Variants in F8 observed in about 807,000 individuals in gnomAD.
F8 encodes antihemophilic factor.
A neutral mutation model predicts 140.6 loss-of-function variants in F8; 12 were observed. The ratio of observed to expected loss-of-function variants is 0.09; its 90% confidence interval spans 0.05 to 0.14. The LOEUF (loss-of-function observed/expected upper bound fraction) is 0.14. Among genes scored for constraint, F8 ranks in the 10% least tolerant of loss-of-function variants. The probability of loss-of-function intolerance (pLI) is 1.00; values close to 1 mark genes in which losing one functional copy is unlikely to be tolerated. For missense variants in F8, 1,354 were observed against 1,720.7 expected, an observed-to-expected ratio of 0.79 and a Z score of 3.77; for synonymous variants, 585 against 614.6, an observed-to-expected ratio of 0.95 and a Z score of 0.71.
chrX:154,992,988 C>A lies in F8; in HGVS notation c.549G>T (p.Leu183=), dbSNP rs1389954594. ...LTYSYLSHVD[L]VKDLNSGLIG... is the part of the protein sequence containing the mutation. Reference sequence around the variant, plus strand: ...TGAGGCCTGAATTCAAGTCTTTTACCAGGTCCACATGAGAAAGATATGAGT... The same window carrying A: ...TGAGGCCTGAATTCAAGTCTTTTACAAGGTCCACATGAGAAAGATATGAGT... Residue 183 remains leucine, a synonymous_variant, in exon 4 of 26, where the codon CTG becomes CTT. Transcript: ENST00000360256. 2.5e-6 allele frequency: 3 copies of A among 1,210,007 alleles called. No homozygotes were observed. The highest frequency in any genetic ancestry group is 3.4e-6 in the Non-Finnish European group (3 of 895,227).
chrX:154,839,252 G>A (rs953309718), intron 25 of F8, among the ~76,000 whole-genome samples: 18 of 109,858 alleles, frequency 1.6e-4, no homozygotes, highest in Non-Finnish European at 2.8e-4. Context: ...CTTAAACTAA[G>A]CATAGTGGCA....
intron 25 of F8, among the ~76,000 whole-genome samples, chrX:154,856,553 CTGCATAAGTGGAAAAG>C (rs2072652672): frequency 1.2e-4 from 13 of 112,156 alleles, no homozygotes; most frequent in Non-Finnish European, 3.8e-5. Context: ...AATTCTTGAA[CTGCATAAGTGGAAAAG>C]TTCTAGGTCA....
At chrX:154,952,669 A>G (rs1280021977) in intron 12 of F8, among the ~76,000 whole-genome samples, 2 of 109,749 alleles carry the variant, frequency 1.8e-5, no homozygotes, top group African/African-American at 6.7e-5. Context: ...CAGCCTCCTG[A>G]GTAGCTGGGA....
At chrX:154,911,716 T>C (rs112770696) in intron 14 of F8, among the ~76,000 whole-genome samples, 2,537 of 112,092 alleles carry the variant, frequency 0.023, 22 homozygotes, top group Middle Eastern at 0.041. Flanking sequence ...TTTGGATATA[T>C]ATCCAGCAGT....
chrX:154,972,181 G>T (rs904473325), intron 6 of F8, among the ~76,000 whole-genome samples: 1 of 112,026 alleles, frequency 8.9e-6, no homozygotes, highest in African/African-American at 3.2e-5. Context: ...ATCCTTGCTA[G>T]CACTTGTTAT....
intron 22 of F8, among the ~76,000 whole-genome samples, chrX:154,891,874 T>G (rs28453809): frequency 0.012 from 1,358 of 111,958 alleles, 24 homozygotes; most frequent in African/African-American, 0.042. Flanking sequence ...TTTCGTAGTG[T>G]CCAAACAGGG....
intron 6 of F8, among the ~76,000 whole-genome samples, chrX:154,976,819 G>A (rs928182284): frequency 5.4e-5 from 6 of 111,596 alleles, no homozygotes; most frequent in Admixed American, 1.9e-4. Flanking sequence ...GTAAACTATC[G>A]CAAGAACAAA....
intron 10 of F8, among the ~76,000 whole-genome samples, 171 bp downstream of exon 10, chrX:154,960,904 A>G (rs1485308294): frequency 8.9e-6 from 1 of 112,189 alleles, no homozygotes; most frequent in East Asian, 2.8e-4. Flanking sequence ...ACGAATTTAC[A>G]TGAAACATCA....
At chrX:154,995,506 T>G (rs1365669909) in intron 3 of F8, among the ~76,000 whole-genome samples, 1 of 112,112 alleles carries the variant, frequency 8.9e-6, no homozygotes, top group Non-Finnish European at 1.9e-5. Flanking sequence ...TTGAGTCTGT[T>G]CCTCTCCAGG....
rs2073152971 is a variant in F8, at chrX:154,925,016, C to T, written c.5219+3555G>A. Among the ~76,000 whole-genome samples, 3 of 112,344 alleles carry T rather than the reference C, an allele frequency of 2.7e-5. No homozygotes were observed. The Admixed American group carries it at 2.8e-4, about 11-fold the overall frequency. On this transcript the variant is annotated intron_variant, in intron 14 of 25. Coordinates refer to ENST00000360256, the MANE Select transcript of F8 (RefSeq NM_000132.4). ...GAGGGGCTGGTGTGAAGACCTCTGA[C>T]ATGCCCTGGAGACATTTTCCCCATT... is the stretch of plus-strand genomic sequence containing the variant.
At chrX:154,846,382 G>T (rs2072566337) in intron 25 of F8, among the ~76,000 whole-genome samples, 1 of 111,563 alleles carries the variant, frequency 9.0e-6, no homozygotes, top group African/African-American at 3.3e-5. Flanking sequence ...TGACAGTGGG[G>T]TGTTAAAGTC....
chrX:154,986,492 T>C (rs1340504615), intron 5 of F8, among the ~76,000 whole-genome samples: 1 of 110,177 alleles, frequency 9.1e-6, no homozygotes, highest in African/African-American at 3.3e-5. Flanking sequence ...GGTTTCGCCC[T>C]GTTGCCCAGG....
At chrX:155,014,826 G>C (rs1227872528) in intron 1 of F8, among the ~76,000 whole-genome samples, 2 of 112,284 alleles carry the variant, frequency 1.8e-5, no homozygotes, top group Non-Finnish European at 3.8e-5. Context: ...GAAAGATTCA[G>C]TATTGTTTAA....
intron 22 of F8, among the ~76,000 whole-genome samples, chrX:154,876,533 TC>T (rs2072818149): frequency 8.9e-6 from 1 of 112,082 alleles, no homozygotes; most frequent in South Asian, 3.7e-4. Flanking sequence ...ATCACAATAT[TC>T]TTTTTTATAA....
chrX:154,929,804 C>A lies in F8; in HGVS notation c.3986G>T (p.Arg1329Leu), dbSNP rs782767347. The A allele has an allele frequency of 8.3e-7, 1 of 1,209,922 alleles. No individual in the cohort carries two copies. The highest frequency in any genetic ancestry group is 1.8e-5 in the South Asian group (1 of 56,824). Reference sequence around the variant, plus strand: ...GAATTGTTTCAAAGCTCTCTTACTACGTTGCGTGACAAAATTCTGCTGGCT... The same window carrying A: ...GAATTGTTTCAAAGCTCTCTTACTAAGTTGCGTGACAAAATTCTGCTGGCT... The part of the protein sequence containing the change: ...NTSQQNFVTQ[R>L]SKRALKQFRL... Residue 1329 changes from arginine to leucine, a missense_variant, in exon 14 of 26, where the codon CGT becomes CTT. Coordinates refer to ENST00000360256, the MANE Select transcript of F8 (RefSeq NM_000132.4).
chrX:155,002,608 T>G (rs2073652225), intron 1 of F8, among the ~76,000 whole-genome samples: 1 of 88,807 alleles, frequency 1.1e-5, no homozygotes, highest in Admixed American at 1.2e-4. Flanking sequence ...CATTGGCATA[T>G]ATTTACACAC....
At chrX:154,964,080 T>A (rs1266446170) in intron 9 of F8, among the ~76,000 whole-genome samples, 3 of 108,571 alleles carry the variant, frequency 2.8e-5, no homozygotes, top group African/African-American at 9.9e-5. Flanking sequence ...TTGTGTGAAA[T>A]GCACACACAC....
intron 14 of F8, among the ~76,000 whole-genome samples, chrX:154,916,687 T>A (rs782506994): frequency 3.6e-5 from 4 of 111,365 alleles, no homozygotes; most frequent in Non-Finnish European, 5.7e-5. Context: ...TCTTCTCTCA[T>A]TTTTTTTCCT....
chrX:154,979,689 T>G (rs1212847299), intron 6 of F8, among the ~76,000 whole-genome samples: 2 of 111,510 alleles, frequency 1.8e-5, no homozygotes, highest in African/African-American at 3.3e-5. Flanking sequence ...TCTTGGAATA[T>G]GTGAAAATGC....
Sources: allele counts gnomAD v4.1 joint callset (sites outside exome capture counted in the v4.1 genomes callset), GRCh38; gene constraint gnomAD v4.1.1; transcripts MANE v1.5; gene names NCBI Gene and HGNC (gene_info 2026-07-23, HGNC 2026-07-21).